Variants in CCDC9 observed in about 807,000 individuals in gnomAD.
CCDC9 encodes the protein coiled-coil domain containing 9.
In CCDC9, 52 loss-of-function variants were observed where a neutral mutation model predicts 65.6. The ratio of observed to expected loss-of-function variants is 0.79; its 90% CI spans 0.63 to 1.00. The LOEUF (loss-of-function observed/expected upper bound fraction) is 1.00, where lower values mean the gene tolerates loss of function less well. Among genes scored for constraint, CCDC9 ranks in the 50% least tolerant of loss-of-function variants. The pLI, the probability that CCDC9 is intolerant of heterozygous loss-of-function variation, is 0.00. For synonymous variants in CCDC9, 332 were observed against 280.3 expected (o/e 1.18, Z -1.84); for missense variants, 834 against 757.2 (o/e 1.10, Z -1.19).
chr19:47,270,906 A>G (rs2059112397), intron 10 of CCDC9, among the ~76,000 whole-genome samples, 176 bp from the exon 11 acceptor site: 1 of 151,794 alleles, frequency 6.6e-6, no homozygotes, highest in South Asian at 2.1e-4. Context: ...CTCTCCTGCT[A>G]CCTGCCCCAC....
At chr19:47,274,956 A>T, downstream of CCDC9, 1 of 1,371,748 alleles carries the variant, frequency 7.3e-7, no homozygotes, top group Non-Finnish European at 9.3e-7. Flanking sequence ...CGGCGCCGAG[A>T]GCCCCGGAGG....
chr19:47,258,586 G>A lies in CCDC9; in HGVS notation c.31G>A (p.Glu11Lys), dbSNP rs1196232959. Residue 11 changes from glutamate to lysine, a missense_variant, in exon 3 of 12, where the codon GAG (glutamate) becomes AAG (lysine). Glu to Lys is a moderately conservative substitution (Grantham distance 56). Transcript: ENST00000221922. MAATLDLKSK[E>K]EKDAELDKRI... ...AGCCACACTCGATTTGAAATCAAAG[G>A]AGGAGAAGGATGCTGAGTTGGACAA... 1.9e-6 allele frequency: 3 copies of A among 1,613,972 alleles called. No individual in the cohort carries two copies. The highest frequency in any genetic ancestry group is 2.5e-6 in the Non-Finnish European group (3 of 1,179,986).
At chr19:47,274,304 TAGAG>T (rs2059142393), downstream of CCDC9, 1 of 120,578 alleles carries the variant, frequency 8.3e-6, no homozygotes, top group Admixed American at 9.6e-5. Flanking sequence ...CAGGCGGAGT[TAGAG>T]CGGGGGGCGG....
chr19:47,260,618 C>T lies in CCDC9; in HGVS notation c.241C>T (p.Pro81Ser), dbSNP rs1211266212. 1 of 1,525,358 alleles carries T rather than the reference C, an allele frequency of 6.6e-7. No homozygotes were observed. The highest frequency in any genetic ancestry group is 8.7e-7 in the Non-Finnish European group (1 of 1,145,932). The allele number at this position is 1,525,358 out of a possible 1,614,324, so 94.5% of individuals were successfully genotyped here. A position where few individuals can be genotyped will look rare whatever the true frequency, so the allele number is the denominator to read the frequency against. ...GAACCTGGGTCCTTCCCGGAGGTCT[C>T]CTGGGACCCCTCGGCCCCCAGGGGC... ...EKNLGPSRRS[P>S]GTPRPPGASK... The change falls in exon 5 of 12, where the codon CCT becomes TCT. Residue 81 changes from proline to serine, a missense_variant. Coordinates refer to ENST00000221922, the MANE Select transcript of CCDC9 (RefSeq NM_015603.3).
downstream of CCDC9, among the ~76,000 whole-genome samples, chr19:47,273,043 G>T (rs1335976869): frequency 6.6e-6 from 1 of 150,500 alleles, no homozygotes; most frequent in Admixed American, 6.6e-5. Context: ...TGGGGCGGGG[G>T]TGGGAGAGGA....
At chr19:47,262,223 T>TG (rs1433602776) in intron 5 of CCDC9, among the ~76,000 whole-genome samples, 1 of 148,166 alleles carries the variant, frequency 6.7e-6, no homozygotes, top group African/African-American at 2.5e-5. Context: ...TTTTTTTTTT[T>TG]TTTTTTTTCT....
chr19:47,272,082 A>G, downstream of CCDC9: 1 of 1,236,442 alleles, frequency 8.1e-7, no homozygotes, highest in Non-Finnish European at 1.0e-6. Context: ...GTGGCCAGTC[A>G]GCCCCTGCCT....
chr19:47,260,926 C>T, intron 5 of CCDC9, 87 bp downstream of exon 5: 2 of 1,450,494 alleles, frequency 1.4e-6, no homozygotes, highest in East Asian at 2.4e-5. Flanking sequence ...CACATTTGTC[C>T]TGTGTGTCCA....
At position 47,271,768 on chromosome 19, in the gene CCDC9, G is replaced by C. The variant is rs1489952929; in HGVS notation, c.*90G>C. ...GCGCGCGCGCGCGCGCGCTAGAGGG[G>C]TGTGGCTGGTGGGGGACCCTTGGGG... On this transcript the variant is annotated 3_prime_UTR_variant, in exon 12 of 12. Coordinates refer to ENST00000221922, the MANE Select transcript of CCDC9 (RefSeq NM_015603.3). 2.0e-6 allele frequency: 3 copies of C among 1,466,478 alleles called. No homozygotes were observed. The highest frequency in any genetic ancestry group is 2.8e-5 in the African/African-American group (2 of 70,882). The allele number at this position is 1,466,478 out of a possible 1,614,324, so 90.8% of individuals were successfully genotyped here. A position where few individuals can be genotyped will look rare whatever the true frequency, so the allele number is the denominator to read the frequency against.
Position 47,271,394 on chromosome 19 carries a change from G to A in CCDC9, c.1312G>A (p.Val438Met). Residue 438 changes from valine to methionine, a missense_variant, in exon 12 of 12, where the codon GTG (valine) becomes ATG (methionine). Coordinates refer to ENST00000221922, the MANE Select transcript of CCDC9 (RefSeq NM_015603.3). The stretch of plus-strand genomic sequence containing the variant: ...GGATGAGGAAGAGGAGGAGATCGAG[G>A]TGGAAGAAGGTGATGAGGAGGAACC... Reference protein sequence around the residue: ...SEDEEEEEIEVEEGDEEEPAQ... With the variant: ...SEDEEEEEIEMEEGDEEEPAQ... 6.2e-7 allele frequency: 1 copy of A among 1,611,920 alleles called. No individual in the cohort carries two copies.
At chr19:47,264,475 G>C (rs2059067124) in intron 5 of CCDC9, 128 bp from the exon 6 acceptor site, 5 of 844,724 alleles carry the variant, frequency 5.9e-6, no homozygotes, top group Admixed American at 4.3e-5. Flanking sequence ...CACGCTGAGA[G>C]CAAATGGTCA....
downstream of CCDC9, chr19:47,275,325 G>A: frequency 1.9e-6 from 3 of 1,545,734 alleles, no homozygotes; most frequent in African/African-American, 2.8e-5. Context: ...GCCAGAGGCC[G>A]CGGAGGGGCG....
chr19:47,267,201 T>G (rs770352558), intron 8 of CCDC9, among the ~76,000 whole-genome samples: 5 of 152,136 alleles, frequency 3.3e-5, no homozygotes, highest in Non-Finnish European at 7.4e-5. Flanking sequence ...CCTGTCCTTG[T>G]GATCTGCCTG....
At position 47,261,291 on chromosome 19, in the gene CCDC9, G is replaced by C. The variant is rs1042051679; in HGVS notation, c.462+452G>C. Reference sequence around the variant, plus strand: ...CTGGTGGGCTCTCTCTATCTGGTGTGCTTGTGAGCACAGGCTCTGTGTGGC... The same window carrying C: ...CTGGTGGGCTCTCTCTATCTGGTGTCCTTGTGAGCACAGGCTCTGTGTGGC... On this transcript the variant is annotated intron_variant, in intron 5 of 11. Transcript: ENST00000221922. 3.1e-4 allele frequency among the ~76,000 whole-genome samples: 47 copies of C among 152,046 alleles called. 1 individual carries two copies. The highest frequency in any genetic ancestry group is 1.1e-3 in the African/African-American group (47 of 41,396).
chr19:47,258,764 C>A, intron 3 of CCDC9, 101 bp downstream of exon 3: 1 of 846,602 alleles, frequency 1.2e-6, no homozygotes, highest in Non-Finnish European at 2.0e-6. Flanking sequence ...CTCCCCATCA[C>A]TGTCAGGATA....
chr19:47,274,807 G>C (rs2059145867), downstream of CCDC9: 1 of 738,406 alleles, frequency 1.4e-6, no homozygotes, highest in Non-Finnish European at 1.7e-6. Flanking sequence ...GCTGGCGGGG[G>C]CGGGGCCGGA....
At chr19:47,272,131 G>A (rs576793567), downstream of CCDC9, 6,712 of 1,236,930 alleles carry the variant, frequency 5.4e-3, 26 homozygotes, top group Non-Finnish European at 6.1e-3. Flanking sequence ...AACCCAGGAA[G>A]CTGAAGAGGA....
In CCDC9 at chr19:47,257,114, C is replaced by T. The variant is rs968693118; in HGVS notation, c.-72+505C>T. Among the ~76,000 whole-genome samples the T allele has an allele frequency of 4.1e-5, 6 of 146,244 alleles. No individual in the cohort carries two copies. The East Asian group carries it at 1.2e-3, about 30-fold the overall frequency. ...GAGCCAGAAAGTTTCGTCTGAGCCA[C>T]GGGCGCGGCCAGAGCGTTGGCCGGG... On this transcript the variant is annotated intron_variant, in intron 1 of 11. Coordinates refer to ENST00000221922, the MANE Select transcript of CCDC9 (RefSeq NM_015603.3).
At chr19:47,274,965 G>A, downstream of CCDC9, 1 of 1,404,994 alleles carries the variant, frequency 7.1e-7, no homozygotes, top group Non-Finnish European at 9.2e-7. Context: ...GAGCCCCGGA[G>A]GCGCGGGGCT....
Sources: allele counts gnomAD v4.1 joint callset (sites outside exome capture counted in the v4.1 genomes callset), GRCh38; gene constraint gnomAD v4.1.1; transcripts MANE v1.5; gene names NCBI Gene and HGNC (gene_info 2026-07-23, HGNC 2026-07-21).